The following ROBO2 variants were observed in gnomAD, a reference collection of about 807,000 sequenced individuals.
ROBO2 encodes roundabout homolog 2.
Under a neutral mutation model 160.8 loss-of-function variants are expected in ROBO2, and 53 were observed. That is an observed-to-expected ratio of 0.33 (90% confidence interval 0.26 to 0.41). The LOEUF (loss-of-function observed/expected upper bound fraction) is 0.41, where lower values mean the gene tolerates loss of function less well. Ranked by LOEUF, ROBO2 falls within the 10% of genes least tolerant of loss-of-function variation. The probability of loss-of-function intolerance (pLI) is 1.00; values close to 1 mark genes in which losing one functional copy is unlikely to be tolerated. For missense variants in ROBO2, 1,577 were observed against 1,722.4 expected (o/e 0.92, Z 1.49); for synonymous variants, 664 against 611.7 (o/e 1.09, Z -1.26).
At chr3:76,650,901 A>G (rs921891512) in intron 2 of ROBO2, among the ~76,000 whole-genome samples, 1 of 152,200 alleles carries the variant, frequency 6.6e-6, no homozygotes, top group African/African-American at 2.4e-5. Flanking sequence ...GTGTAGTAAA[A>G]ACATGCACAT....
chr3:76,318,633 G>C (rs997091754), intron 2 of ROBO2, among the ~76,000 whole-genome samples: 3 of 152,006 alleles, frequency 2.0e-5, no homozygotes, highest in Non-Finnish European at 4.4e-5. Context: ...TTGTGTCAGC[G>C]CTTCCATTAT....
chr3:77,394,303 C>T (rs930229879), intron 2 of ROBO2, among the ~76,000 whole-genome samples: 2 of 152,198 alleles, frequency 1.3e-5, no homozygotes, highest in African/African-American at 4.8e-5. Flanking sequence ...GTTTTCATGG[C>T]AGTGGCTTCT....
chr3:77,436,979 A>T (rs116459490), intron 2 of ROBO2, among the ~76,000 whole-genome samples: 1 of 151,968 alleles, frequency 6.6e-6, no homozygotes, highest in African/African-American at 2.4e-5. Context: ...TCTTTGGACA[A>T]TTGTATACAC....
chr3:77,477,372 A>G (rs769662651), intron 2 of ROBO2, 42 bp from the exon 3 acceptor site: 30 of 1,597,816 alleles, frequency 1.9e-5, no homozygotes, highest in Non-Finnish European at 2.5e-5. Context: ...AGCCTAAGTT[A>G]CTGTCGTTGA....
intron 2 of ROBO2, among the ~76,000 whole-genome samples, chr3:76,220,822 A>C (rs1483255595): frequency 1.3e-5 from 2 of 152,218 alleles, no homozygotes; most frequent in Non-Finnish European, 2.9e-5. Context: ...CCTTAGTTCT[A>C]TAACTAGTCA....
At chr3:76,015,951 A>G (rs1461348520) in intron 2 of ROBO2, among the ~76,000 whole-genome samples, 2 of 152,126 alleles carry the variant, frequency 1.3e-5, no homozygotes, top group Non-Finnish European at 2.9e-5. Context: ...ATAGTCTTAT[A>G]TTTTCCTCTT....
At chr3:76,994,497 A>G (rs2060875623) in intron 2 of ROBO2, among the ~76,000 whole-genome samples, 1 of 152,344 alleles carries the variant, frequency 6.6e-6, no homozygotes, top group Non-Finnish European at 1.5e-5. Context: ...GAATAACAAC[A>G]GTGTAATAAT....
At position 77,179,769 on chromosome 3, in the gene ROBO2, T is replaced by G. The variant is rs566642700; in HGVS notation, c.388+81429T>G. Among the ~76,000 whole-genome samples, 5 of 152,208 alleles carry G rather than the reference T, an allele frequency of 3.3e-5. No individual in the cohort carries two copies. The South Asian group carries it at 1.0e-3, about 32-fold the overall frequency. On this transcript the variant is annotated intron_variant, in intron 2 of 25. Coordinates refer to ENST00000461745, the Ensembl canonical transcript of ROBO2. ...ACATAAACAAAACAGAAACAAAGAT[T>G]GGCCTTTATGGAGGAATTACATGTG...
chr3:76,303,988 T>G (rs2107749729), intron 2 of ROBO2, among the ~76,000 whole-genome samples: 1 of 152,330 alleles, frequency 6.6e-6, no homozygotes, highest in African/African-American at 2.4e-5. Flanking sequence ...ATAAAAATAT[T>G]TAAACTATTT....
chr3:77,188,194 G>A (rs1223766541), intron 2 of ROBO2, among the ~76,000 whole-genome samples: 1 of 151,628 alleles, frequency 6.6e-6, no homozygotes, highest in Admixed American at 6.6e-5. Flanking sequence ...AATGAAGTAG[G>A]CTTATTTACT....
chr3:76,023,939 C>T (rs560859879), intron 2 of ROBO2, among the ~76,000 whole-genome samples: 2 of 151,468 alleles, frequency 1.3e-5, no homozygotes, highest in Non-Finnish European at 3.0e-5. Flanking sequence ...CAAATCAAAT[C>T]TCTCTGATGC....
intron 2 of ROBO2, among the ~76,000 whole-genome samples, chr3:77,383,960 A>G (rs1179031797): frequency 6.6e-6 from 1 of 152,150 alleles, no homozygotes; most frequent in Non-Finnish European, 1.5e-5. Context: ...AGAATACTTA[A>G]CTAAATGAGT....
intron 2 of ROBO2, among the ~76,000 whole-genome samples, chr3:77,371,725 G>C (rs1581424005): frequency 6.6e-6 from 1 of 152,186 alleles, no homozygotes; most frequent in African/African-American, 2.4e-5. Flanking sequence ...GAAAGTTTAA[G>C]AATGACCTGC....
chr3:76,732,852 G>A (rs1265282021), intron 2 of ROBO2, among the ~76,000 whole-genome samples: 2 of 152,076 alleles, frequency 1.3e-5, no homozygotes, highest in African/African-American at 4.8e-5. Context: ...GTTCTAATAC[G>A]CATTGGAGAA....
At chr3:76,510,484 G>A (rs1326849722) in intron 2 of ROBO2, among the ~76,000 whole-genome samples, 1 of 152,162 alleles carries the variant, frequency 6.6e-6, no homozygotes, top group Non-Finnish European at 1.5e-5. Context: ...AGCACTTTGC[G>A]AAGCCGAGGT....
At position 76,323,175 on chromosome 3, in the gene ROBO2, A is replaced by ACC. The variant is rs200663135; in HGVS notation, c.109+385576_109+385577dup. On this transcript the variant is annotated intron_variant, in intron 2 of 26. Coordinates refer to the ROBO2 transcript ENST00000487694. ...CACACACACACACACACACACACAC[A>ACC]CCCCTAAAGGCTAATTGCTGGGATT... Among the ~76,000 whole-genome samples the ACC allele has an allele frequency of 4.4e-3, 638 of 145,708 alleles. 5 individuals carry two copies. Among genetic ancestry groups the ACC allele is most frequent in the Non-Finnish European group, 6.4e-3 (416 of 65,210 alleles).
At chr3:77,336,951 G>A (rs2066558395) in intron 2 of ROBO2, among the ~76,000 whole-genome samples, 1 of 152,096 alleles carries the variant, frequency 6.6e-6, no homozygotes, top group Non-Finnish European at 1.5e-5. Context: ...TTCGGTATAT[G>A]TCTCCAGGAT....
chr3:76,204,870 G>T (rs1443946281), intron 2 of ROBO2, among the ~76,000 whole-genome samples: 1 of 152,138 alleles, frequency 6.6e-6, no homozygotes, highest in Admixed American at 6.5e-5. Flanking sequence ...TTTTATTAAA[G>T]ATTTGTTTTC....
intron 2 of ROBO2, among the ~76,000 whole-genome samples, chr3:76,204,482 G>A (rs1702706652): frequency 6.6e-6 from 1 of 152,066 alleles, no homozygotes; most frequent in Admixed American, 6.6e-5. Context: ...GTTTAAAATC[G>A]ACTCTTCTTT....
Sources: gnomAD v4.1 joint callset for allele counts (sites outside exome capture counted in the v4.1 genomes callset) on GRCh38, gnomAD v4.1.1 for gene constraint, MANE v1.5 for transcripts, NCBI Gene and HGNC (gene_info 2026-07-23, HGNC 2026-07-21) for gene names.